MAVS: variants seen among roughly 807,000 people sequenced by gnomAD.
MAVS encodes the protein mitochondrial antiviral-signaling protein.
A neutral mutation model predicts 30.2 loss-of-function variants in MAVS; 20 were observed. The observed-to-expected ratio is 0.66, with a 90% CI of 0.47 to 0.96. The LOEUF is 0.96. Among genes scored for constraint, MAVS ranks in the 40% least tolerant of loss-of-function variants. MAVS has a pLI of 0.00. For synonymous variants in MAVS, 278 were observed against 293.9 expected (o/e 0.95, Z 0.55); for missense variants, 624 against 701.1 (o/e 0.89, Z 1.24).
intron 2 of MAVS, among the ~76,000 whole-genome samples, chr20:3,855,295 T>G (rs2146762273): frequency 6.6e-6 from 1 of 152,280 alleles, no homozygotes; most frequent in Admixed American, 6.5e-5. Flanking sequence ...TGGCGCTGGC[T>G]CTCTGAGATT....
intron 3 of MAVS, among the ~76,000 whole-genome samples, chr20:3,860,474 A>G (rs985374150): frequency 1.4e-4 from 21 of 149,710 alleles, no homozygotes; most frequent in African/African-American, 5.2e-4. Context: ...TCCCAGGTTC[A>G]AGCAATTCTC....
rs2089909754 is a variant in MAVS at position 3,866,449 on chromosome 20, T to G, written c.*302T>G. The G allele has an allele frequency of 2.3e-6, 1 of 440,136 alleles. No homozygotes were observed. The allele number at this position is 440,136 out of a possible 1,614,324, so 27.3% of individuals were successfully genotyped here. A position where few individuals can be genotyped will look rare whatever the true frequency, so the allele number is the denominator to read the frequency against. Reference sequence around the variant, plus strand: ...TATCATCCATGTCCTCCAGAGGAGCTTCCTCCTCCAGGCCTCAGCCCTGTT... The same window carrying G: ...TATCATCCATGTCCTCCAGAGGAGCGTCCTCCTCCAGGCCTCAGCCCTGTT... On this transcript the variant is annotated 3_prime_UTR_variant, in exon 7 of 7. Transcript: ENST00000428216.
chr20:3,855,781 T>A (rs1017344923), intron 2 of MAVS, among the ~76,000 whole-genome samples: 4 of 152,208 alleles, frequency 2.6e-5, no homozygotes, highest in Non-Finnish European at 4.4e-5. Flanking sequence ...TTATTTTCTT[T>A]AAAAAATTTT....
Position 3,865,880 on chromosome 20 carries a change from C to A in MAVS, c.1356C>A (p.Cys452Ter), listed in dbSNP as rs767873572. The A allele has an allele frequency of 5.0e-6, 8 of 1,614,108 alleles. No homozygotes were observed. In the Admixed American group the frequency reaches 5.0e-5, roughly 10 times the overall value. Residue 452 changes from cysteine to a stop codon, truncating the protein, a stop_gained, in exon 7 of 7, where the codon TGC becomes TGA. Transcript: ENST00000428216. LOFTEE classifies it low-confidence loss of function (END_TRUNC). The surrounding 1 kb of genome is among the most constrained non-coding windows in gnomAD (Gnocchi z 4.7). ...GCACCTCCTTGGGCATGGGGCCCTG[C>A]CATGGCCCAGAGGAGAATGAGTATA... ...SASTSLGMGP[C>*]HGPEENEYKS...
rs1394041054 is a variant in MAVS at position 3,866,819 on chromosome 20, T to C, written c.*672T>C. The stretch of plus-strand genomic sequence containing the variant: ...CCTGTGGAGCTCCTCTCCAGCCTCC[T>C]CTTTCCCTCCCCTCTGGTCTCCATT... On this transcript the variant is annotated 3_prime_UTR_variant, in exon 7 of 7. Coordinates refer to ENST00000428216, the MANE Select transcript of MAVS (RefSeq NM_020746.5). 2.2e-6 allele frequency: 1 copy of C among 448,806 alleles called. No homozygotes were observed. The highest frequency in any genetic ancestry group is 1.6e-5 in the South Asian group (1 of 63,324). The allele number at this position is 448,806 out of a possible 1,614,324, so 27.8% of individuals were successfully genotyped here. A position where few individuals can be genotyped will look rare whatever the true frequency, so the allele number is the denominator to read the frequency against.
intron 3 of MAVS, among the ~76,000 whole-genome samples, chr20:3,858,105 T>A (rs1008925840): frequency 6.6e-5 from 10 of 152,254 alleles, no homozygotes; most frequent in African/African-American, 2.4e-4. Flanking sequence ...TGTTGAGTAT[T>A]GAGCTGGGCT....
chr20:3,854,781 C>A (rs377480589), intron 2 of MAVS, 40 bp downstream of exon 2: 9 of 1,450,338 alleles, frequency 6.2e-6, no homozygotes, highest in African/African-American at 1.4e-5. Context: ...GGCCTGGGGG[C>A]AGGGCTGTGG....
rs771443475 is a variant in MAVS at position 3,862,356 on chromosome 20, C to G, written c.568C>G (p.Leu190Val). Residue 190 changes from leucine (L) to valine (V), a missense_variant, in exon 5 of 7, where the codon CTG becomes GTG. By Grantham distance (32) the Leu-to-Val change is conservative. Coordinates refer to ENST00000428216, the MANE Select transcript of MAVS (RefSeq NM_020746.5). Reference sequence around the variant, plus strand: ...CTCTGACCTGGCAGCCCTCAGCCCTCTGACCTCCAGCGGGCATCAGGAGCA... The same window carrying G: ...CTCTGACCTGGCAGCCCTCAGCCCTGTGACCTCCAGCGGGCATCAGGAGCA... The part of the protein sequence containing the change: ...SSSDLAALSP[L>V]TSSGHQEQDT... 1 of 1,614,168 alleles carries G rather than the reference C, an allele frequency of 6.2e-7. No individual in the cohort carries two copies. The highest frequency in any genetic ancestry group is 8.5e-7 in the Non-Finnish European group (1 of 1,180,026).
rs1172039825 is a variant in MAVS at position 3,865,333 on chromosome 20, T to G, written c.1159-350T>G. ...GAAGAGCCAAGTCCATAGGGCCCTT[T>G]GGGCACATGGCCAGGCCTCTGACCC... On this transcript the variant is annotated intron_variant, in intron 6 of 6. Coordinates refer to ENST00000428216, the MANE Select transcript of MAVS (RefSeq NM_020746.5). The surrounding 1 kb of genome is among the most constrained non-coding windows in gnomAD (Gnocchi z 4.7). 6.6e-6 allele frequency among the ~76,000 whole-genome samples: 1 copy of G among 152,174 alleles called. No individual in the cohort carries two copies. Among genetic ancestry groups the G allele is most frequent in the African/African-American group, 2.4e-5 (1 of 41,438 alleles).
intron 5 of MAVS, among the ~76,000 whole-genome samples, chr20:3,863,190 A>AGGAAGTAAGGTCTTCATCAT (rs2089879534): frequency 6.6e-6 from 1 of 152,190 alleles, no homozygotes; most frequent in Non-Finnish European, 1.5e-5. Flanking sequence ...CAGTCCCCAG[A>AGGAAGTAAGGTCTTCATCAT]GGAAGTAAGG....
intron 2 of MAVS, among the ~76,000 whole-genome samples, chr20:3,856,899 G>C (rs374234763): frequency 1.3e-5 from 2 of 152,018 alleles, no homozygotes; most frequent in Non-Finnish European, 2.9e-5. Context: ...AGCCGGGTGT[G>C]GTGGTGGGCT....
chr20:3,857,880 C>T (rs781214012), intron 3 of MAVS, 71 bp downstream of exon 3: 278 of 1,480,698 alleles, frequency 1.9e-4, no homozygotes, highest in Middle Eastern at 8.5e-4. Flanking sequence ...TTTCTCTCTC[C>T]CTGTACTTCC....
chr20:3,853,297 T>C (rs921786325), intron 1 of MAVS, among the ~76,000 whole-genome samples: 123 of 150,350 alleles, frequency 8.2e-4, no homozygotes, highest in Admixed American at 5.7e-3. Flanking sequence ...CCATCCTGGC[T>C]AACCCCGTGA....
At chr20:3,851,378 C>T (rs1377002571) in intron 1 of MAVS, among the ~76,000 whole-genome samples, 5 of 146,726 alleles carry the variant, frequency 3.4e-5, no homozygotes, top group African/African-American at 1.3e-4. Flanking sequence ...TGATGGTGGG[C>T]ACGTGTAATC....
At chr20:3,860,497 C>T (rs1212997129) in intron 3 of MAVS, among the ~76,000 whole-genome samples, 2 of 151,650 alleles carry the variant, frequency 1.3e-5, no homozygotes, top group Non-Finnish European at 2.9e-5. Context: ...GCCTCAGCCT[C>T]TCGAGTAGCT....
At chr20:3,863,978 C>G (rs1266416766) in intron 5 of MAVS, among the ~76,000 whole-genome samples, 1 of 152,090 alleles carries the variant, frequency 6.6e-6, no homozygotes, top group Non-Finnish European at 1.5e-5. Context: ...GAGGAAAAAG[C>G]GGAGAGAATA....
intron 6 of MAVS, 78 bp downstream of exon 6, chr20:3,864,866 C>T (rs2089894888): frequency 6.5e-7 from 1 of 1,533,476 alleles, no homozygotes; most frequent in African/African-American, 1.4e-5. Context: ...TGGCCTTGGC[C>T]CCTTCCCAGT....
chr20:3,853,507 A>G (rs2089782508), intron 1 of MAVS, among the ~76,000 whole-genome samples: 2 of 151,802 alleles, frequency 1.3e-5, no homozygotes, highest in South Asian at 2.1e-4. Flanking sequence ...AAAGAAATTA[A>G]AGGTGGCTGG....
At chr20:3,859,737 A>G (rs1272950941) in intron 3 of MAVS, among the ~76,000 whole-genome samples, 1 of 151,396 alleles carries the variant, frequency 6.6e-6, no homozygotes, top group Non-Finnish European at 1.5e-5. Context: ...AGGCCCCCCC[A>G]TACTCCCCTT....
Sources: allele counts gnomAD v4.1 joint callset (sites outside exome capture counted in the v4.1 genomes callset), GRCh38; gene constraint gnomAD v4.1.1; non-coding constraint Gnocchi (gnomAD v3.1); transcripts MANE v1.5; gene names NCBI Gene and HGNC (gene_info 2026-07-23, HGNC 2026-07-21).